The following LUZP2 variants were observed in gnomAD, a reference collection of about 807,000 sequenced individuals.
LUZP2 encodes leucine zipper protein 2.
Under a neutral mutation model 51.6 loss-of-function variants are expected in LUZP2, and 52 were observed. That is an observed-to-expected ratio of 1.01 (90% CI 0.81 to 1.27). The LOEUF (loss-of-function observed/expected upper bound fraction) is 1.27, where lower values mean the gene tolerates loss of function less well. LUZP2 is among the 50% of genes most tolerant of loss of function. The pLI, the probability that LUZP2 is intolerant of heterozygous loss-of-function variation, is 0.00. For missense variants in LUZP2, 436 were observed against 395.4 expected, an observed-to-expected ratio of 1.10 and a Z score of -0.87; for synonymous variants, 154 against 137.3, an observed-to-expected ratio of 1.12 and a Z score of -0.85.
chr11:25,033,755 T>C (rs1857770728), intron 9 of LUZP2, among the ~76,000 whole-genome samples: 1 of 152,088 alleles, frequency 6.6e-6, no homozygotes, highest in African/African-American at 2.4e-5. Context: ...AGACATAACT[T>C]TATTTCTTTT....
At chr11:24,942,298 T>C (rs1854774781) in intron 7 of LUZP2, among the ~76,000 whole-genome samples, 1 of 152,168 alleles carries the variant, frequency 6.6e-6, no homozygotes, top group Non-Finnish European at 1.5e-5. Flanking sequence ...TATCCTCTAA[T>C]TGAATGTACC....
chr11:25,030,811 C>T (rs190134960), intron 9 of LUZP2, among the ~76,000 whole-genome samples: 2 of 144,150 alleles, frequency 1.4e-5, no homozygotes, highest in African/African-American at 5.0e-5. Context: ...ATTCTAAATA[C>T]TAATCTTTTG....
At chr11:24,761,759 A>T (rs763287167) in intron 4 of LUZP2, among the ~76,000 whole-genome samples, 1 of 152,196 alleles carries the variant, frequency 6.6e-6, no homozygotes, top group Non-Finnish European at 1.5e-5. Context: ...GCTACAATAA[A>T]TTAACTGGTA....
rs184004093 is a variant in LUZP2, at chr11:24,911,143, A to G, written c.460-3333A>G. On this transcript the variant is annotated intron_variant, in intron 6 of 11. Coordinates refer to ENST00000336930, the MANE Select transcript of LUZP2 (RefSeq NM_001009909.4). ...CATTTGGAATGGGTATATTTACCCA[A>G]TGCCTGTACCCCCATTGTATCTGGG... Among the ~76,000 whole-genome samples the G allele has an allele frequency of 4.0e-3, 606 of 152,298 alleles. 4 individuals carry two copies. The highest frequency in any genetic ancestry group is 0.01 in the Middle Eastern group (3 of 294).
chr11:24,752,521 C>A (rs1859629758), intron 4 of LUZP2, among the ~76,000 whole-genome samples: 1 of 152,086 alleles, frequency 6.6e-6, no homozygotes, highest in South Asian at 2.1e-4. Flanking sequence ...AATACCTTGG[C>A]CAATTTAGTT....
At chr11:24,502,585 C>A (rs1288001102) in intron 1 of LUZP2, among the ~76,000 whole-genome samples, 1 of 151,906 alleles carries the variant, frequency 6.6e-6, no homozygotes, top group South Asian at 2.1e-4. Context: ...GGGGCTTCAC[C>A]ATCTTGGCCA....
chr11:25,051,489 G>T (rs1218736295), intron 10 of LUZP2, among the ~76,000 whole-genome samples: 2 of 152,168 alleles, frequency 1.3e-5, no homozygotes, highest in Non-Finnish European at 2.9e-5. Context: ...CTTTGGGCAG[G>T]AAGGAAGATT....
intron 9 of LUZP2, among the ~76,000 whole-genome samples, chr11:24,999,617 C>A (rs577171982): frequency 8.1e-6 from 1 of 123,034 alleles, no homozygotes; most frequent in Admixed American, 8.4e-5. Context: ...CTGCCCACCT[C>A]GGCCTCCAAA....
intron 7 of LUZP2, among the ~76,000 whole-genome samples, chr11:24,976,344 G>C (rs542310507): frequency 2.0e-5 from 3 of 151,792 alleles, no homozygotes; most frequent in East Asian, 3.9e-4. Flanking sequence ...TAGATGTTTT[G>C]GTCTAGTGAA....
chr11:24,997,462 G>A (rs1281023325), intron 9 of LUZP2, among the ~76,000 whole-genome samples: 1 of 152,010 alleles, frequency 6.6e-6, no homozygotes, highest in Admixed American at 6.6e-5. Flanking sequence ...TTTTTGATGG[G>A]GTTGTTTGTC....
chr11:25,024,799 A>C (rs1368618540), intron 9 of LUZP2, among the ~76,000 whole-genome samples: 36 of 149,234 alleles, frequency 2.4e-4, no homozygotes, highest in Non-Finnish European at 4.7e-4. Flanking sequence ...AAACTACTTT[A>C]AAGTTCATAT....
At chr11:24,784,471 C>T (rs1424893600) in intron 5 of LUZP2, among the ~76,000 whole-genome samples, 1 of 151,858 alleles carries the variant, frequency 6.6e-6, no homozygotes, top group Non-Finnish European at 1.5e-5. Flanking sequence ...TTCTTCCATC[C>T]TTTGGAAGTT....
At chr11:24,863,073 G>T (rs1250858980) in intron 5 of LUZP2, among the ~76,000 whole-genome samples, 1 of 152,124 alleles carries the variant, frequency 6.6e-6, no homozygotes, top group African/African-American at 2.4e-5. Flanking sequence ...AAGGATGTGA[G>T]GAAATAGGAA....
chr11:24,962,438 A>T (rs1351074677), intron 7 of LUZP2, among the ~76,000 whole-genome samples: 1 of 152,140 alleles, frequency 6.6e-6, no homozygotes, highest in Non-Finnish European at 1.5e-5. Flanking sequence ...ACATAGTCCC[A>T]TATTTCTTGG....
intron 1 of LUZP2, among the ~76,000 whole-genome samples, chr11:24,655,726 G>C (rs1855779379): frequency 6.6e-6 from 1 of 152,170 alleles, no homozygotes; most frequent in Non-Finnish European, 1.5e-5. Context: ...TTAGTGACCA[G>C]CCTGCTTGTC....
Position 24,583,559 on chromosome 11 carries a change from C to T in LUZP2, c.62+86254C>T, listed in dbSNP as rs576226862. Among the ~76,000 whole-genome samples, 7 of 152,244 alleles carry T rather than the reference C, an allele frequency of 4.6e-5. No individual in the cohort carries two copies. In the East Asian group the frequency reaches 1.4e-3, roughly 29 times the overall value. The stretch of plus-strand genomic sequence containing the variant: ...ACTATTTGGCACCCCATGCCCAACA[C>T]ACCTAAACCCTAATTCTAAATTTTG... On this transcript the variant is annotated intron_variant, in intron 1 of 11. Coordinates refer to ENST00000336930, the MANE Select transcript of LUZP2 (RefSeq NM_001009909.4).
intron 1 of LUZP2, among the ~76,000 whole-genome samples, chr11:24,598,412 C>T (rs920053191): frequency 1.3e-5 from 2 of 151,730 alleles, no homozygotes; most frequent in Non-Finnish European, 2.9e-5. Flanking sequence ...AGGAGAGTTT[C>T]CTAAAAGTAG....
At position 24,683,112 on chromosome 11, in the gene LUZP2, C is replaced by T. The variant is rs566604384; in HGVS notation, c.63-46057C>T. ...AGATCTTTCCAAGCTTTTCAGTTTT[C>T]CTTTTTTGGTTTTGTAACCAATATT... On this transcript the variant is annotated intron_variant, in intron 1 of 11. Transcript: ENST00000336930. Among the ~76,000 whole-genome samples, 10 of 152,258 alleles carry T rather than the reference C, an allele frequency of 6.6e-5. No individual in the cohort carries two copies. The South Asian group carries it at 2.1e-3, about 32-fold the overall frequency.
At chr11:24,541,965 T>A (rs1310881546) in intron 1 of LUZP2, among the ~76,000 whole-genome samples, 1 of 152,016 alleles carries the variant, frequency 6.6e-6, no homozygotes, top group Non-Finnish European at 1.5e-5. Context: ...TTATTTATAA[T>A]CACATATTTC....
Sources: gnomAD v4.1 joint callset for allele counts (sites outside exome capture counted in the v4.1 genomes callset) on GRCh38, gnomAD v4.1.1 for gene constraint, MANE v1.5 for transcripts, NCBI Gene and HGNC (gene_info 2026-07-23, HGNC 2026-07-21) for gene names.